HIVEP1: variants seen among roughly 807,000 people sequenced by gnomAD.
HIVEP1 encodes the protein zinc finger protein 40.
Under a neutral mutation model 180.0 loss-of-function variants are expected in HIVEP1, and 36 were observed. The ratio of observed to expected loss-of-function variants is 0.20; its 90% confidence interval spans 0.15 to 0.26. HIVEP1 has a LOEUF of 0.26. Among genes scored for constraint, HIVEP1 ranks in the 10% least tolerant of loss-of-function variants. The pLI is 1.00. For synonymous variants in HIVEP1, 1,239 were observed against 1,239.0 expected (o/e 1.00, Z 0.00); for missense variants, 3,143 against 3,268.7 (o/e 0.96, Z 0.94).
At chr6:12,208,522 G>A in the HIVEP1 span, among the ~76,000 whole-genome samples, 5 of 152,234 alleles carry the variant, frequency 3.3e-5, no homozygotes, top group Admixed American at 1.3e-4. Context: ...TGAGTGTTCC[G>A]TGCTGCACCG....
the HIVEP1 span, among the ~76,000 whole-genome samples, chr6:12,184,157 G>A: frequency 6.6e-6 from 1 of 152,238 alleles, no homozygotes; most frequent in Middle Eastern, 3.4e-3. Flanking sequence ...CTTAGATGTT[G>A]GAGGATTACC....
chr6:12,184,022 TAGAC>T, the HIVEP1 span, among the ~76,000 whole-genome samples: 4,077 of 101,422 alleles, frequency 0.04, 140 homozygotes, highest in African/African-American at 0.096. Flanking sequence ...GATAGATAGA[TAGAC>T]AGACAGACAG....
In HIVEP1 at chr6:12,121,528, C is replaced by G. The variant is rs760810902; in HGVS notation, c.1733C>G (p.Pro578Arg). The change falls in exon 4 of 9, where the codon CCA (proline) becomes CGA (arginine). Residue 578 changes from proline to arginine, a missense_variant. Physicochemically the swap from Pro to Arg is moderately radical, Grantham distance 103. Coordinates refer to ENST00000379388, the MANE Select transcript of HIVEP1 (RefSeq NM_002114.4). The surrounding 1 kb of genome is among the most constrained non-coding windows in gnomAD (Gnocchi z 5.3). Reference sequence around the variant, plus strand: ...GTGTCCCCCTTAAGAACTGACAGTCCAAAGGCCATGGATCCCAAGCCTGAA... The same window carrying G: ...GTGTCCCCCTTAAGAACTGACAGTCGAAAGGCCATGGATCCCAAGCCTGAA... The part of the protein sequence containing the change: ...VTVSPLRTDS[P>R]KAMDPKPELS... 3.7e-6 allele frequency: 6 copies of G among 1,614,094 alleles called. No individual in the cohort carries two copies. The highest frequency in any genetic ancestry group is 2.2e-5 in the East Asian group (1 of 44,882).
chr6:12,081,573 A>G (rs575204003), intron 2 of HIVEP1, among the ~76,000 whole-genome samples: 21 of 152,024 alleles, frequency 1.4e-4, no homozygotes, highest in Non-Finnish European at 1.9e-4. Flanking sequence ...TTTTAAACCA[A>G]TGCTCGGCCT....
chr6:12,185,277 G>C, the HIVEP1 span, among the ~76,000 whole-genome samples: 6 of 152,218 alleles, frequency 3.9e-5, no homozygotes, highest in African/African-American at 1.4e-4. Context: ...TTGCTGGGTG[G>C]AGGGAACAGT....
rs746866377 is a variant in HIVEP1 at position 12,120,573 on chromosome 6, A to C, written c.778A>C (p.Thr260Pro). 1.2e-5 allele frequency: 20 copies of C among 1,614,060 alleles called. No homozygotes were observed. Among genetic ancestry groups the C allele is most frequent in the Non-Finnish European group, 1.6e-5 (19 of 1,180,018 alleles). Reference protein sequence around the residue: ...ELVAESQSSCTSYTVHMSAAQ... With the variant: ...ELVAESQSSCPSYTVHMSAAQ... ...GGTTGCTGAATCACAGTCTTCTTGTACCTCATACACAGTCCATATGTCTGC... is the reference window on the plus strand; with the variant it reads ...GGTTGCTGAATCACAGTCTTCTTGTCCCTCATACACAGTCCATATGTCTGC... The change falls in exon 4 of 9, where the codon ACC (threonine) becomes CCC (proline). Residue 260 changes from threonine to proline, a missense_variant. By Grantham distance (38) the Thr-to-Pro change is conservative. Around this residue, in one of 12 missense-constraint regions of HIVEP1, gnomAD observed 306 missense variants for 310.6 expected, o/e 0.99. Transcript: ENST00000379388.
chr6:12,138,113 G>A (rs141423133), intron 7 of HIVEP1, among the ~76,000 whole-genome samples: 12 of 152,068 alleles, frequency 7.9e-5, no homozygotes, highest in African/African-American at 9.7e-5. Context: ...TTCATTCAAC[G>A]TACATGTATA....
chr6:12,209,352 G>C, the HIVEP1 span, among the ~76,000 whole-genome samples: 1 of 152,204 alleles, frequency 6.6e-6, no homozygotes, highest in Non-Finnish European at 1.5e-5. Flanking sequence ...AGAATGGCGT[G>C]AACCCGGGAG....
At chr6:12,170,519 G>T in the HIVEP1 span, among the ~76,000 whole-genome samples, 1 of 152,184 alleles carries the variant, frequency 6.6e-6, no homozygotes, top group Non-Finnish European at 1.5e-5. Flanking sequence ...TCACAGATGT[G>T]ATGAAACCTT....
intron 6 of HIVEP1, among the ~76,000 whole-genome samples, chr6:12,133,287 C>G (rs1167806511): frequency 6.6e-6 from 1 of 152,126 alleles, no homozygotes; most frequent in Non-Finnish European, 1.5e-5. Flanking sequence ...ATATAGAGAG[C>G]TTGTATCTCT....
At chr6:12,068,292 G>A (rs752931170) in intron 2 of HIVEP1, among the ~76,000 whole-genome samples, 2 of 152,058 alleles carry the variant, frequency 1.3e-5, no homozygotes, top group African/African-American at 2.4e-5. Flanking sequence ...GTTTCACCGT[G>A]TTGGCCAGGG....
intron 7 of HIVEP1, among the ~76,000 whole-genome samples, chr6:12,148,898 C>A (rs548762799): frequency 6.6e-6 from 1 of 152,302 alleles, no homozygotes; most frequent in African/African-American, 2.4e-5. Flanking sequence ...TTCTCCCAAA[C>A]ACAGTCGAAG....
chr6:12,039,283 C>G (rs1769506951), intron 2 of HIVEP1: 1 of 152,206 alleles, frequency 6.6e-6, no homozygotes, highest in South Asian at 2.1e-4. Context: ...CCTAACTTTT[C>G]TCTACCAGTT....
At position 12,109,235 on chromosome 6, in the gene HIVEP1, C is replaced by T. The variant is rs531840132; in HGVS notation, c.95-10655C>T. Among the ~76,000 whole-genome samples the T allele has an allele frequency of 3.8e-4, 58 of 152,278 alleles. No homozygotes were observed. The South Asian group carries it at 9.8e-3, about 26-fold the overall frequency. On this transcript the variant is annotated intron_variant, in intron 3 of 8. Transcript: ENST00000379388. ...GTCTCAATCTCCTGACCTCGTGTTCCGCCCGCCTCAGCCTCCCAAAGTGCT... is the reference window on the plus strand; with the variant it reads ...GTCTCAATCTCCTGACCTCGTGTTCTGCCCGCCTCAGCCTCCCAAAGTGCT...
At chr6:12,209,605 G>A in the HIVEP1 span, among the ~76,000 whole-genome samples, 1 of 152,190 alleles carries the variant, frequency 6.6e-6, no homozygotes, top group African/African-American at 2.4e-5. Context: ...TACAGGACAT[G>A]TAGTAGGAAC....
chr6:12,113,147 C>G (rs936643400), intron 3 of HIVEP1, among the ~76,000 whole-genome samples: 5 of 151,256 alleles, frequency 3.3e-5, no homozygotes, highest in Admixed American at 3.3e-4. Context: ...TGTGGACTCC[C>G]TCAGCCCATC....
At chr6:12,171,965 C>T in the HIVEP1 span, among the ~76,000 whole-genome samples, 1 of 152,162 alleles carries the variant, frequency 6.6e-6, no homozygotes, top group African/African-American at 2.4e-5. Context: ...TGAATGGACA[C>T]CACCTCCAAG....
At chr6:12,013,411 A>G (rs929258660) in intron 1 of HIVEP1, among the ~76,000 whole-genome samples, 3 of 152,202 alleles carry the variant, frequency 2.0e-5, no homozygotes, top group African/African-American at 7.2e-5. Flanking sequence ...TAGTCGCTAC[A>G]ATGCTGCTGT....
chr6:12,105,573 A>C (rs1032155195), intron 3 of HIVEP1, among the ~76,000 whole-genome samples: 5 of 152,178 alleles, frequency 3.3e-5, no homozygotes, highest in African/African-American at 1.2e-4. Context: ...TGAATTACTT[A>C]ATTACTTAAT....
Sources: allele counts gnomAD v4.1 joint callset (sites outside exome capture counted in the v4.1 genomes callset), GRCh38; gene constraint gnomAD v4.1.1; regional missense constraint gnomAD v4.1.1; non-coding constraint Gnocchi (gnomAD v3.1); transcripts MANE v1.5; gene names NCBI Gene and HGNC (gene_info 2026-07-23, HGNC 2026-07-21).